Variants in GREB1 observed in about 807,000 individuals in gnomAD.
GREB1 encodes growth regulating estrogen receptor binding 1, also known as protein GREB1.
In GREB1, 106 loss-of-function variants were observed where a neutral mutation model predicts 200.7. The observed-to-expected ratio is 0.53, with a 90% CI of 0.45 to 0.62. The LOEUF (loss-of-function observed/expected upper bound fraction) is 0.62, where lower values mean the gene tolerates loss of function less well. Among genes scored for constraint, GREB1 ranks in the 20% least tolerant of loss-of-function variants. The pLI is 0.00. For missense variants in GREB1, 2,243 were observed against 2,556.8 expected (o/e 0.88, Z 2.65); for synonymous variants, 1,132 against 1,092.4 (o/e 1.04, Z -0.72).
chr2:11,505,655 A>G (rs1422878167), intron 1 of GREB1, among the ~76,000 whole-genome samples: 2 of 152,164 alleles, frequency 1.3e-5, no homozygotes, highest in African/African-American at 4.8e-5. Flanking sequence ...CAGCCTGGCC[A>G]ACATAGGGAT....
intron 17 of GREB1, among the ~76,000 whole-genome samples, chr2:11,607,046 G>C (rs1395304804): frequency 6.6e-6 from 1 of 151,968 alleles, no homozygotes; most frequent in East Asian, 1.9e-4. Flanking sequence ...CTCCCAAAGT[G>C]CTGGAATTAC....
At chr2:11,598,098 T>C in intron 14 of GREB1, 120 bp downstream of exon 14, 1 of 791,328 alleles carries the variant, frequency 1.3e-6, no homozygotes, top group African/African-American at 1.7e-5. Context: ...GCTGCTCTTG[T>C]TTTATAGATT....
intron 2 of GREB1, among the ~76,000 whole-genome samples, chr2:11,558,667 C>T (rs1372171117): frequency 6.6e-6 from 1 of 152,176 alleles, no homozygotes; most frequent in African/African-American, 2.4e-5. Flanking sequence ...TACCCTAAAC[C>T]AAGCACTCAG....
chr2:11,579,987 A>G (rs958071417), intron 6 of GREB1, among the ~76,000 whole-genome samples: 1 of 152,204 alleles, frequency 6.6e-6, no homozygotes, highest in African/African-American at 2.4e-5. Flanking sequence ...ACAGTTCTAC[A>G]TGGCTGTGGA....
intron 6 of GREB1, among the ~76,000 whole-genome samples, chr2:11,579,681 C>A (rs1679259887): frequency 6.6e-6 from 1 of 152,158 alleles, no homozygotes. Flanking sequence ...TCAGAGCCAG[C>A]CTCTTAAACC....
At chr2:11,557,477 A>G (rs909579038) in intron 2 of GREB1, among the ~76,000 whole-genome samples, 2 of 152,240 alleles carry the variant, frequency 1.3e-5, no homozygotes, top group African/African-American at 4.8e-5. Context: ...TTAAAACAAA[A>G]ATTAATAAAC....
chr2:11,593,596 C>G (rs1680943339), intron 11 of GREB1, among the ~76,000 whole-genome samples: 1 of 151,930 alleles, frequency 6.6e-6, no homozygotes, highest in Admixed American at 6.6e-5. Context: ...AAGAGATTCT[C>G]CCACCTCAGC....
Position 11,629,901 on chromosome 2 carries a change from C to T in GREB1, c.4450-47C>T, listed in dbSNP as rs1684750055. ...AGTGGGCCTGGGGTCTTCTGGGAAGCAGGCCGGACTCTGACGGCAAGCTCT... is the reference window on the plus strand; with the variant it reads ...AGTGGGCCTGGGGTCTTCTGGGAAGTAGGCCGGACTCTGACGGCAAGCTCT... On this transcript the variant is annotated intron_variant, in intron 25 of 32. Coordinates refer to ENST00000381486, the MANE Select transcript of GREB1 (RefSeq NM_014668.4). The surrounding 1 kb of genome is among the most constrained non-coding windows in gnomAD (Gnocchi z 5.2). 6.3e-7 allele frequency: 1 copy of T among 1,592,688 alleles called. No homozygotes were observed. Among genetic ancestry groups the T allele is most frequent in the Non-Finnish European group, 8.6e-7 (1 of 1,164,788 alleles).
intron 26 of GREB1, among the ~76,000 whole-genome samples, chr2:11,631,453 T>A (rs1684869458): frequency 6.6e-6 from 1 of 152,238 alleles, no homozygotes; most frequent in Non-Finnish European, 1.5e-5. Flanking sequence ...TAATTTCCGT[T>A]GCCTAACTAT....
At chr2:11,628,746 G>T (rs6718783) in intron 25 of GREB1, among the ~76,000 whole-genome samples, 16,703 of 152,164 alleles carry the variant, frequency 0.11, 1,346 homozygotes, top group African/African-American at 0.22. Flanking sequence ...TCAGGAGTGG[G>T]TAGTGCCATC....
At position 11,633,741 on chromosome 2, in the gene GREB1, C is replaced by G. The variant is rs1056291334; in HGVS notation, c.4992-390C>G. 3.3e-5 allele frequency among the ~76,000 whole-genome samples: 5 copies of G among 152,124 alleles called. No homozygotes were observed. Among genetic ancestry groups the G allele is most frequent in the Non-Finnish European group, 7.4e-5 (5 of 68,010 alleles). On this transcript the variant is annotated intron_variant, in intron 28 of 32. Transcript: ENST00000381486. This position sits in a 1 kb window ranked among gnomAD's most constrained non-coding sequence, Gnocchi z 4.1. ...TTAAGAAAGGGACATTGCTGCCCCC[C>G]CAGAAACTCCCTTCCTGCTGCCCCA... is the stretch of plus-strand genomic sequence containing the variant.
intron 3 of GREB1, among the ~76,000 whole-genome samples, chr2:11,565,119 C>T (rs976245047): frequency 3.9e-5 from 6 of 152,212 alleles, no homozygotes; most frequent in Non-Finnish European, 7.3e-5. Flanking sequence ...ATGCCCCAGA[C>T]CTGGGAGTCA....
In GREB1 at chr2:11,635,315, C is replaced by T. The variant is rs773946129; in HGVS notation, c.5256C>T (p.Ala1752=). 48 of 1,614,024 alleles carry T rather than the reference C, an allele frequency of 3.0e-5. 1 individual carries two copies. Among genetic ancestry groups the T allele is most frequent in the Middle Eastern group, 1.6e-4 (1 of 6,084 alleles). ...ACTTCAACCTGCGGGTGCACAGCGC[C>T]GGCCTCCTGCTCTGCCGGTTCAACC... ...DVDFNLRVHS[A]GLLLCRFNRF... is the part of the protein sequence containing the mutation. Residue 1752 remains alanine, a synonymous_variant, in exon 30 of 33, where the codon GCC becomes GCT. Transcript: ENST00000381486.
intron 11 of GREB1, among the ~76,000 whole-genome samples, chr2:11,594,253 A>C (rs1016659235): frequency 2.6e-5 from 4 of 151,222 alleles, no homozygotes; most frequent in African/African-American, 9.7e-5. Flanking sequence ...CAAGCAGTCC[A>C]CCCGCCTCAG....
intron 24 of GREB1, among the ~76,000 whole-genome samples, chr2:11,625,584 G>A (rs576894415): frequency 1.2e-4 from 19 of 152,324 alleles, no homozygotes; most frequent in Non-Finnish European, 2.2e-4. Flanking sequence ...GTGGTTAATA[G>A]AGGATAAAAG....
rs1461645414 is a variant in GREB1, at chr2:11,566,368, C to T, written c.278-112C>T. On this transcript the variant is annotated intron_variant, in intron 3 of 32. Transcript: ENST00000381486. Reference sequence around the variant, plus strand: ...GGATTAATTTTGAGGTCAAGCACACCCAGGGGTAAGGGTTTCTCCTGAGCA... The same window carrying T: ...GGATTAATTTTGAGGTCAAGCACACTCAGGGGTAAGGGTTTCTCCTGAGCA... 8.8e-6 allele frequency: 9 copies of T among 1,020,512 alleles called. No individual in the cohort carries two copies. The Admixed American group carries it at 1.2e-4, about 14-fold the overall frequency. 63.2% of individuals were successfully genotyped at this position (1,020,512 alleles called of 1,614,324 possible). A position where few individuals can be genotyped will look rare whatever the true frequency, so the allele number is the denominator to read the frequency against.
intron 1 of GREB1, among the ~76,000 whole-genome samples, chr2:11,502,499 G>C (rs1055995531): frequency 2.0e-5 from 3 of 151,876 alleles, no homozygotes; most frequent in Non-Finnish European, 4.4e-5. Flanking sequence ...TGGGATTCCA[G>C]GCATGAGCCA....
chr2:11,595,921 G>A (rs566273862), intron 12 of GREB1, among the ~76,000 whole-genome samples, 190 bp from the exon 13 acceptor site: 2 of 152,044 alleles, frequency 1.3e-5, no homozygotes, highest in South Asian at 2.1e-4. Flanking sequence ...ATGTCTGTGT[G>A]GGGGGAGCTC....
intron 1 of GREB1, among the ~76,000 whole-genome samples, chr2:11,508,408 G>T (rs1390522846): frequency 6.6e-6 from 1 of 152,226 alleles, no homozygotes; most frequent in African/African-American, 2.4e-5. Context: ...TTCCAACAAA[G>T]AACAGCGCCC....
Sources: gnomAD v4.1 joint callset for allele counts (sites outside exome capture counted in the v4.1 genomes callset) on GRCh38, gnomAD v4.1.1 for gene constraint, Gnocchi (gnomAD v3.1) non-coding constraint, MANE v1.5 for transcripts, NCBI Gene and HGNC (gene_info 2026-07-23, HGNC 2026-07-21) for gene names.